HTR2C: variants seen among roughly 807,000 people sequenced by gnomAD.
HTR2C encodes 5-hydroxytryptamine receptor 2C, also known as 5-hydroxytryptamine (serotonin) receptor 2C, G protein-coupled.
Under a neutral mutation model 21.0 loss-of-function variants are expected in HTR2C, and 5 were observed. That is an observed-to-expected ratio of 0.24 (90% CI 0.12 to 0.50). The LOEUF (loss-of-function observed/expected upper bound fraction) is 0.50, where lower values mean the gene tolerates loss of function less well. Among genes scored for constraint, HTR2C ranks in the 20% least tolerant of loss-of-function variants. HTR2C has a pLI of 0.98. For synonymous variants in HTR2C, 150 were observed against 145.3 expected (o/e 1.03, Z -0.23); for missense variants, 271 against 371.2 (o/e 0.73, Z 2.22).
At chrX:114,633,705 A>C (rs1193136178) in intron 2 of HTR2C, among the ~76,000 whole-genome samples, 1 of 110,769 alleles carries the variant, frequency 9.0e-6, no homozygotes, top group Non-Finnish European at 1.9e-5. Flanking sequence ...AATTTATTTG[A>C]TTATTTCTTA....
chrX:114,675,933 G>A (rs782170424), intron 2 of HTR2C, among the ~76,000 whole-genome samples: 9 of 102,676 alleles, frequency 8.8e-5, no homozygotes, highest in African/African-American at 3.2e-4. Flanking sequence ...GAGATGGCAC[G>A]ATGTCGGCTC....
chrX:114,828,837 T>C (rs1297294612), intron 4 of HTR2C, among the ~76,000 whole-genome samples: 4 of 112,324 alleles, frequency 3.6e-5, no homozygotes, highest in African/African-American at 1.3e-4. Context: ...ATGTGATCTT[T>C]TGCATCTGGC....
At chrX:114,739,523 T>C (rs1417259168) in intron 4 of HTR2C, among the ~76,000 whole-genome samples, 1 of 111,359 alleles carries the variant, frequency 9.0e-6, no homozygotes, top group African/African-American at 3.3e-5. Flanking sequence ...GAAAAGAGAA[T>C]ACATTAAGGA....
chrX:114,690,694 C>G (rs1455935237), intron 2 of HTR2C, among the ~76,000 whole-genome samples: 2 of 111,360 alleles, frequency 1.8e-5, no homozygotes, highest in Non-Finnish European at 3.8e-5. Context: ...AGGTGCTCTC[C>G]TTTATATTAG....
intron 2 of HTR2C, among the ~76,000 whole-genome samples, chrX:114,671,893 C>T (rs1048696314): frequency 2.7e-5 from 3 of 111,489 alleles, no homozygotes; most frequent in Admixed American, 9.6e-5. Context: ...TGTATTCACT[C>T]GCAACATACT....
chrX:114,586,845 A>G (rs781927894), intron 1 of HTR2C, among the ~76,000 whole-genome samples: 2 of 111,150 alleles, frequency 1.8e-5, no homozygotes, highest in African/African-American at 6.5e-5. Flanking sequence ...AAGTCTATGA[A>G]TGACGGAGAT....
intron 5 of HTR2C, among the ~76,000 whole-genome samples, chrX:114,886,141 G>T (rs1053094199): frequency 5.4e-5 from 6 of 110,618 alleles, no homozygotes; most frequent in Non-Finnish European, 1.1e-4. Context: ...AATCTATTTT[G>T]TTAGATATTA....
At chrX:114,805,926 CACCATATATAT>C (rs1415465374) in intron 4 of HTR2C, among the ~76,000 whole-genome samples, 9 of 8,495 alleles carry the variant, frequency 1.1e-3, no homozygotes, top group African/African-American at 1.6e-3. Context: ...TATATATATA[CACCATATATAT>C]ACCATATATA....
intron 2 of HTR2C, among the ~76,000 whole-genome samples, chrX:114,719,343 T>G (rs1210042715): frequency 9.0e-6 from 1 of 111,266 alleles, no homozygotes; most frequent in Non-Finnish European, 1.9e-5. Context: ...TTTCTGTTAT[T>G]GATTGATCTT....
chrX:114,766,937 A>G (rs782602563), intron 4 of HTR2C, among the ~76,000 whole-genome samples: 17 of 111,521 alleles, frequency 1.5e-4, no homozygotes, highest in African/African-American at 5.5e-4. Flanking sequence ...ACCCAATGCC[A>G]TTGTTTCTTT....
intron 2 of HTR2C, among the ~76,000 whole-genome samples, chrX:114,700,177 C>T (rs999035471): frequency 1.9e-4 from 21 of 111,503 alleles, no homozygotes; most frequent in African/African-American, 6.9e-4. Flanking sequence ...GTAAATAGGG[C>T]TCACATACCA....
At chrX:114,800,828 G>C in intron 4 of HTR2C, among the ~76,000 whole-genome samples, 1 of 111,312 alleles carries the variant, frequency 9.0e-6, no homozygotes, top group Non-Finnish European at 1.9e-5. Flanking sequence ...TATCCCATAG[G>C]AACAAGTTTC....
intron 2 of HTR2C, among the ~76,000 whole-genome samples, chrX:114,716,136 A>C (rs1207897382): frequency 8.9e-6 from 1 of 112,803 alleles, no homozygotes; most frequent in African/African-American, 3.2e-5. Context: ...ATTCCCAGAT[A>C]GTTCTGCTAC....
chrX:114,778,111 G>A (rs936482643), intron 4 of HTR2C, among the ~76,000 whole-genome samples: 2 of 111,274 alleles, frequency 1.8e-5, no homozygotes, highest in Admixed American at 1.9e-4. Context: ...AGAATGTACT[G>A]GAAGTGCCAT....
chrX:114,906,800 G>A lies in HTR2C; in HGVS notation c.762G>A (p.Glu254=). The change falls in exon 6 of 6, where the codon GAG becomes GAA. Residue 254 remains glutamate, a synonymous_variant. Coordinates refer to ENST00000276198, the MANE Select transcript of HTR2C (RefSeq NM_000868.4). ...QALMLLHGHT[E]EPPGLSLDFL... ...TGATGTTACTGCACGGCCACACCGA[G>A]GAACCGCCTGGACTAAGTCTGGATT... The A allele has an allele frequency of 8.3e-7, 1 of 1,210,823 alleles. No homozygotes were observed. Among genetic ancestry groups the A allele is most frequent in the East Asian group, 3.0e-5 (1 of 33,781 alleles).
chrX:114,832,779 G>C (rs1482985200), intron 4 of HTR2C, among the ~76,000 whole-genome samples: 423 of 30,311 alleles, frequency 0.014, 61 homozygotes, highest in African/African-American at 0.028. Flanking sequence ...TCTTGTGCCA[G>C]TTTTCAAAGG....
intron 4 of HTR2C, among the ~76,000 whole-genome samples, chrX:114,783,277 A>G (rs2070138132): frequency 8.9e-6 from 1 of 112,041 alleles, no homozygotes; most frequent in African/African-American, 3.2e-5. Context: ...TTTGACATTA[A>G]AAAGACAGCA....
intron 5 of HTR2C, among the ~76,000 whole-genome samples, chrX:114,864,018 G>A (rs1213135842): frequency 2.1e-4 from 23 of 109,619 alleles, no homozygotes; most frequent in African/African-American, 3.6e-4. Context: ...TTCAGCCTGT[G>A]TATGTCTTTA....
intron 5 of HTR2C, among the ~76,000 whole-genome samples, chrX:114,903,361 T>C: frequency 8.9e-6 from 1 of 112,678 alleles, no homozygotes; most frequent in Non-Finnish European, 1.9e-5. Flanking sequence ...ACCTGTCTTA[T>C]AAAGTTTTTA....
Sources: gnomAD v4.1 joint callset for allele counts (sites outside exome capture counted in the v4.1 genomes callset) on GRCh38, gnomAD v4.1.1 for gene constraint, MANE v1.5 for transcripts, NCBI Gene and HGNC (gene_info 2026-07-23, HGNC 2026-07-21) for gene names.